The following GFM2 variants were observed in gnomAD, a reference collection of about 807,000 sequenced individuals.
GFM2 encodes the protein GTP dependent ribosome recycling factor mitochondrial 2.
GFM2 carries 72 observed loss-of-function variants against 95.4 expected under a neutral mutation model. That is an observed-to-expected ratio of 0.76 (90% CI 0.62 to 0.92). GFM2 has a LOEUF of 0.92. Among genes scored for constraint, GFM2 ranks in the 40% least tolerant of loss-of-function variants. The pLI is 0.00. For missense variants in GFM2, 825 were observed against 924.1 expected, an observed-to-expected ratio of 0.89 and a Z score of 1.39; for synonymous variants, 276 against 317.5, an observed-to-expected ratio of 0.87 and a Z score of 1.39.
chr5:74,756,223 G>A (rs183285151), intron 5 of GFM2, among the ~76,000 whole-genome samples: 1 of 152,228 alleles, frequency 6.6e-6, no homozygotes, highest in Non-Finnish European at 1.5e-5. Flanking sequence ...AGTAATGAAA[G>A]CTAACTATGA....
At chr5:74,763,012 C>G (rs1233007238) in intron 2 of GFM2, among the ~76,000 whole-genome samples, 2 of 147,198 alleles carry the variant, frequency 1.4e-5, no homozygotes, top group Non-Finnish European at 3.0e-5. Flanking sequence ...AGAAACAACC[C>G]AAACAAGCTT....
chr5:74,750,116 C>A (rs1743619501), intron 7 of GFM2, among the ~76,000 whole-genome samples: 1 of 152,198 alleles, frequency 6.6e-6, no homozygotes, highest in Non-Finnish European at 1.5e-5. Flanking sequence ...ATGAATTCAG[C>A]AACTTCCTAT....
intron 7 of GFM2, 45 bp from the exon 8 acceptor site, chr5:74,747,825 CT>C: frequency 1.1e-5 from 12 of 1,065,800 alleles, no homozygotes; most frequent in Non-Finnish European, 1.6e-5. Context: ...ACAAAAGTAA[CT>C]ATGTTACTAG....
rs1218305948 is a variant in GFM2, at chr5:74,759,373, C to G, written c.202G>C (p.Ala68Pro). The G allele has an allele frequency of 6.6e-7, 1 of 1,518,772 alleles. No individual in the cohort carries two copies. 94.1% of individuals were successfully genotyped at this position (1,518,772 alleles called of 1,614,324 possible). Reference protein sequence around the residue: ...SLHSIINPPIAKIRNIGIMAH... With the variant: ...SLHSIINPPIPKIRNIGIMAH... ...TGATATAATGATAGTACTTACTTAG[C>G]TATGGGAGGATTGATGATGGAATGA... Residue 68 changes from alanine to proline, a missense_variant, in exon 4 of 21, where the codon GCT (alanine) becomes CCT (proline). By Grantham distance (27) the Ala-to-Pro change is conservative. Transcript: ENST00000296805.
intron 16 of GFM2, chr5:74,730,618 T>G: frequency 2.9e-6 from 1 of 345,184 alleles, no homozygotes; most frequent in African/African-American, 2.1e-5. Context: ...ATTCTCTCCT[T>G]CTTCTTTGAT....
chr5:74,763,048 G>A (rs1171993324), intron 2 of GFM2, among the ~76,000 whole-genome samples: 1 of 152,144 alleles, frequency 6.6e-6, no homozygotes, highest in Non-Finnish European at 1.5e-5. Flanking sequence ...CTTAGCTATA[G>A]ATAAAAAGGG....
At chr5:74,749,942 A>G (rs920101272) in intron 7 of GFM2, among the ~76,000 whole-genome samples, 3 of 152,168 alleles carry the variant, frequency 2.0e-5, no homozygotes, top group African/African-American at 7.2e-5. Flanking sequence ...ATCCACTCCA[A>G]ATTAATTTTT....
chr5:74,751,325 C>A, intron 6 of GFM2, 43 bp downstream of exon 6: 1 of 1,554,636 alleles, frequency 6.4e-7, no homozygotes. Flanking sequence ...CAAAAAAACT[C>A]CAAATGACGC....
At chr5:74,726,194 C>G in intron 17 of GFM2, 68 bp from the exon 18 acceptor site, 1 of 1,092,218 alleles carries the variant, frequency 9.2e-7, no homozygotes, top group Non-Finnish European at 1.3e-6. Context: ...CTATAAACAG[C>G]AAAATTATCA....
rs1749875934 is a variant in GFM2, at chr5:74,721,494, C to CT, written c.*160dup. ...TCATTATATAAATTAAAACGGGTGGCTCCAGTGCCACTATCAAAGCTTAAG... is the reference window on the plus strand; with the variant it reads ...TCATTATATAAATTAAAACGGGTGGCTTCCAGTGCCACTATCAAAGCTTAAG... On this transcript the variant is annotated 3_prime_UTR_variant, in exon 21 of 21. Coordinates refer to ENST00000296805, the MANE Select transcript of GFM2 (RefSeq NM_032380.5). 1 of 816,054 alleles carries CT rather than the reference C, an allele frequency of 1.2e-6. No homozygotes were observed. Among genetic ancestry groups the CT allele is most frequent in the African/African-American group, 1.7e-5 (1 of 57,976 alleles). The allele number at this position is 816,054 out of a possible 1,614,324, so 50.6% of individuals were successfully genotyped here.
intron 5 of GFM2, among the ~76,000 whole-genome samples, chr5:74,757,368 A>T (rs1046289614): frequency 1.3e-5 from 2 of 152,202 alleles, no homozygotes; most frequent in African/African-American, 4.8e-5. Context: ...AGTTATTGCC[A>T]TGACTTTTGT....
At chr5:74,744,189 C>A (rs1743251766) in intron 10 of GFM2, among the ~76,000 whole-genome samples, 1 of 107,840 alleles carries the variant, frequency 9.3e-6, no homozygotes. Context: ...CAAATCCATA[C>A]AGCATGTTAC....
chr5:74,744,183 TC>T (rs373842277), intron 10 of GFM2, among the ~76,000 whole-genome samples: 24,418 of 152,118 alleles, frequency 0.16, 2,380 homozygotes, highest in African/African-American at 0.27. Context: ...AGGCTACAAA[TC>T]CATACAGCAT....
chr5:74,740,045 C>T lies in GFM2; in HGVS notation c.1023G>A (p.Leu341=), dbSNP rs1308109126. The change falls in exon 12 of 21, where the codon TTG becomes TTA. Residue 341 remains leucine (L), a synonymous_variant. Coordinates refer to ENST00000296805, the MANE Select transcript of GFM2 (RefSeq NM_032380.5). Reference sequence around the variant, plus strand: ...GTAAGTACATAGTAACAGCATCTAACAAGGGCTGTATCCCTTTGTTTTTCA... The same window carrying T: ...GTAAGTACATAGTAACAGCATCTAATAAGGGCTGTATCCCTTTGTTTTTCA... ...SALKNKGIQP[L]LDAVTMYLPS... is the part of the protein sequence containing the mutation. 1 of 1,603,658 alleles carries T rather than the reference C, an allele frequency of 6.2e-7. No homozygotes were observed. The highest frequency in any genetic ancestry group is 1.1e-5 in the South Asian group (1 of 89,222).
At chr5:74,747,628 T>C (rs1210014820) in intron 8 of GFM2, 64 bp downstream of exon 8, 24 of 916,452 alleles carry the variant, frequency 2.6e-5, no homozygotes, top group Non-Finnish European at 4.2e-5. Flanking sequence ...ATTTAAGTTA[T>C]AGTTCATTAA....
Position 74,747,705 on chromosome 5 carries a change from T to C in GFM2, c.595A>G (p.Lys199Glu), listed in dbSNP as rs1183404820. The C allele has an allele frequency of 1.2e-6, 2 of 1,606,234 alleles. No individual in the cohort carries two copies. The highest frequency in any genetic ancestry group is 1.7e-6 in the Non-Finnish European group (2 of 1,173,004). ...CATTTCAAATACCTTGCTCCAGTTT[T>C]GTCCATCTTGTTTAAAAAACAGATT... ...PRICFLNKMDKTGASFKYAVE... is the reference protein window; with the variant it reads ...PRICFLNKMDETGASFKYAVE... Residue 199 changes from lysine (K) to glutamate (E), a missense_variant, in exon 8 of 21, where the codon AAA (lysine) becomes GAA (glutamate). Transcript: ENST00000296805.
Position 74,721,339 on chromosome 5 carries a change from A to T in GFM2, c.*316T>A. 2 of 761,832 alleles carry T rather than the reference A, an allele frequency of 2.6e-6. No homozygotes were observed. The highest frequency in any genetic ancestry group is 2.3e-6 in the Non-Finnish European group (1 of 428,862). The allele number at this position is 761,832 out of a possible 1,614,324, so 47.2% of individuals were successfully genotyped here. On this transcript the variant is annotated 3_prime_UTR_variant, in exon 21 of 21. Coordinates refer to ENST00000296805, the MANE Select transcript of GFM2 (RefSeq NM_032380.5). ...TTAGAGGCCTGGCATCTTTCTTGTG[A>T]GACAAGCTTAAGGACACAAAAGAAA...
At chr5:74,729,404 C>CT (rs1750308341) in intron 17 of GFM2, among the ~76,000 whole-genome samples, 1 of 152,182 alleles carries the variant, frequency 6.6e-6, no homozygotes. Context: ...TAACTCTAGC[C>CT]TATAGTGCTG....
chr5:74,736,562 G>A lies in GFM2; in HGVS notation c.1510+234C>T, dbSNP rs938128321. On this transcript the variant is annotated intron_variant, in intron 15 of 20. Transcript: ENST00000296805. ...GAATCCCATAGATAGCACTACAAGA[G>A]TAAGGAAGAATATAATATGAGAAGA... 9 of 1,369,280 alleles carry A rather than the reference G, an allele frequency of 6.6e-6. No individual in the cohort carries two copies. In the Admixed American group the frequency reaches 2.2e-4, roughly 34 times the overall value. The allele number at this position is 1,369,280 out of a possible 1,614,324, so 84.8% of individuals were successfully genotyped here.
Sources: gnomAD v4.1 joint callset for allele counts (sites outside exome capture counted in the v4.1 genomes callset) on GRCh38, gnomAD v4.1.1 for gene constraint, MANE v1.5 for transcripts, NCBI Gene and HGNC (gene_info 2026-07-23, HGNC 2026-07-21) for gene names.